Variants in OPCML observed in about 807,000 individuals in gnomAD.
OPCML encodes the protein opioid binding protein/cell adhesion molecule like, also known as opioid-binding protein/cell adhesion molecule.
In OPCML, 13 loss-of-function variants were observed where a neutral mutation model predicts 37.8. The observed-to-expected ratio is 0.34, with a 90% CI of 0.22 to 0.55. The LOEUF is 0.55. OPCML is among the 20% of genes least tolerant of loss of function. The pLI is 0.91. For synonymous variants in OPCML, 176 were observed against 168.8 expected, an observed-to-expected ratio of 1.04 and a Z score of -0.33; for missense variants, 341 against 435.6, an observed-to-expected ratio of 0.78 and a Z score of 1.93.
intron 2 of OPCML, among the ~76,000 whole-genome samples, chr11:132,881,115 T>C (rs1156369023): frequency 2.0e-5 from 3 of 152,236 alleles, no homozygotes; most frequent in Non-Finnish European, 2.9e-5. Context: ...CCATTTATTC[T>C]TTAGTTGGGA....
intron 1 of OPCML, among the ~76,000 whole-genome samples, chr11:133,149,587 C>T (rs184770206): frequency 2.6e-5 from 4 of 152,306 alleles, no homozygotes; most frequent in East Asian, 1.9e-4. Flanking sequence ...CCCACCCGCA[C>T]GCTTGATGTT....
At chr11:132,885,128 G>A (rs916330872) in intron 2 of OPCML, among the ~76,000 whole-genome samples, 4 of 152,178 alleles carry the variant, frequency 2.6e-5, no homozygotes, top group Non-Finnish European at 5.9e-5. Flanking sequence ...CCAAATGCCA[G>A]GTATCTTCAT....
intron 2 of OPCML, among the ~76,000 whole-genome samples, chr11:132,717,523 T>C (rs909081093): frequency 9.9e-5 from 15 of 152,120 alleles, no homozygotes; most frequent in African/African-American, 3.6e-4. Context: ...CAGAAACACA[T>C]CAAAATTTAA....
intron 2 of OPCML, among the ~76,000 whole-genome samples, chr11:132,929,506 C>T (rs1314601478): frequency 2.0e-5 from 3 of 152,070 alleles, no homozygotes; most frequent in Non-Finnish European, 4.4e-5. Context: ...CTATGACTCT[C>T]CCAAAAAATT....
chr11:132,709,238 C>G (rs1242426949), intron 2 of OPCML, among the ~76,000 whole-genome samples: 1 of 152,150 alleles, frequency 6.6e-6, no homozygotes, highest in Admixed American at 6.5e-5. Flanking sequence ...GTCTTTCAAG[C>G]AGGCATTTTT....
intron 7 of OPCML, among the ~76,000 whole-genome samples, chr11:132,428,473 G>A (rs761273148): frequency 5.3e-5 from 8 of 152,180 alleles, no homozygotes; most frequent in Non-Finnish European, 1.2e-4. Flanking sequence ...TACCATGAGA[G>A]CCCAAAAGAT....
chr11:133,293,920 A>G lies in OPCML; in HGVS notation c.61+238344T>C, dbSNP rs1297611218. On this transcript the variant is annotated intron_variant, in intron 1 of 7. Transcript: ENST00000524381. ...CACACACACACACACACACACACAC[A>G]CACACACACACACACAAAAGCATCC... is the stretch of plus-strand genomic sequence containing the variant. Among the ~76,000 whole-genome samples the G allele has an allele frequency of 2.6e-5, 4 of 151,982 alleles. No individual in the cohort carries two copies. The East Asian group carries it at 7.7e-4, about 29-fold the overall frequency.
At chr11:133,047,274 A>G (rs1591948751) in intron 1 of OPCML, among the ~76,000 whole-genome samples, 1 of 152,350 alleles carries the variant, frequency 6.6e-6, no homozygotes, top group African/African-American at 2.4e-5. Context: ...TAGAGCCATG[A>G]GTGTTCCTCT....
rs563642222 is a variant in OPCML at position 133,440,814 on chromosome 11, GT to G, written c.61+91449del. Among the ~76,000 whole-genome samples the G allele has an allele frequency of 2.5e-3, 340 of 138,300 alleles. 9 individuals are homozygous for G. The highest frequency in any genetic ancestry group is 9.2e-3 in the African/African-American group (321 of 35,018). The allele number at this position is 138,300 out of a possible 152,430, so 90.7% of individuals were successfully genotyped here. A position where few individuals can be genotyped will look rare whatever the true frequency, so the allele number is the denominator to read the frequency against. ...TGTGTGTGTGTGTGAGTGTGTATGT[GT>G]ATATATATATATATAAATCATATAT... is the stretch of plus-strand genomic sequence containing the variant. On this transcript the variant is annotated intron_variant, in intron 1 of 7. Transcript: ENST00000524381.
intron 2 of OPCML, among the ~76,000 whole-genome samples, chr11:132,917,411 G>A (rs1441267691): frequency 7.3e-6 from 1 of 137,716 alleles, no homozygotes; most frequent in Non-Finnish European, 1.5e-5. Flanking sequence ...TCACTCTGGA[G>A]TAGTTAGCAT....
intron 1 of OPCML, among the ~76,000 whole-genome samples, chr11:133,235,521 G>A (rs191545428): frequency 2.7e-4 from 41 of 152,306 alleles, no homozygotes; most frequent in Non-Finnish European, 8.8e-5. Context: ...TCAAACAACA[G>A]CAAAACGAGG....
At chr11:132,785,705 G>A (rs1195086767) in intron 2 of OPCML, among the ~76,000 whole-genome samples, 4 of 152,268 alleles carry the variant, frequency 2.6e-5, no homozygotes, top group Middle Eastern at 3.4e-3. Context: ...TTTGTAAGGA[G>A]CCACGTGCTT....
At chr11:132,709,085 A>G (rs1018914007) in intron 2 of OPCML, among the ~76,000 whole-genome samples, 1 of 152,172 alleles carries the variant, frequency 6.6e-6, no homozygotes, top group African/African-American at 2.4e-5. Context: ...ATTTTCTGAC[A>G]AGCTGTGCTC....
intron 2 of OPCML, among the ~76,000 whole-genome samples, chr11:132,812,844 C>T (rs1939423378): frequency 6.6e-6 from 1 of 152,194 alleles, no homozygotes; most frequent in Admixed American, 6.5e-5. Flanking sequence ...TAGTACTTTT[C>T]TGTATCTCCC....
intron 3 of OPCML, among the ~76,000 whole-genome samples, chr11:132,558,523 C>G (rs1359154337): frequency 8.5e-6 from 1 of 117,686 alleles, no homozygotes; most frequent in African/African-American, 3.3e-5. Flanking sequence ...TTTTCTTCTT[C>G]TCTTCTTCTT....
chr11:132,881,723 T>A (rs1465942315), intron 2 of OPCML, among the ~76,000 whole-genome samples: 2 of 152,224 alleles, frequency 1.3e-5, no homozygotes, highest in African/African-American at 4.8e-5. Flanking sequence ...AAAACGCTGT[T>A]GTCTTTTCAA....
intron 2 of OPCML, among the ~76,000 whole-genome samples, chr11:132,718,800 G>T (rs754029788): frequency 2.6e-5 from 4 of 152,194 alleles, no homozygotes; most frequent in Non-Finnish European, 4.4e-5. Context: ...AGGGAAAGGA[G>T]TGTGAAGGAG....
intron 2 of OPCML, among the ~76,000 whole-genome samples, chr11:132,800,177 T>G (rs1356008305): frequency 6.6e-6 from 1 of 152,204 alleles, no homozygotes; most frequent in Non-Finnish European, 1.5e-5. Context: ...TTGTATGTAA[T>G]TGTACATGAA....
At chr11:133,090,412 A>G (rs567582033) in intron 1 of OPCML, among the ~76,000 whole-genome samples, 5 of 152,336 alleles carry the variant, frequency 3.3e-5, no homozygotes, top group Non-Finnish European at 5.9e-5. Context: ...ACAGAAGAAA[A>G]GAGCTTTACA....
Sources: allele counts gnomAD v4.1 joint callset (sites outside exome capture counted in the v4.1 genomes callset), GRCh38; gene constraint gnomAD v4.1.1; transcripts MANE v1.5; gene names NCBI Gene and HGNC (gene_info 2026-07-23, HGNC 2026-07-21).